MICU2: variants seen among roughly 807,000 people sequenced by gnomAD.
MICU2 encodes mitochondrial calcium uptake 2, also known as calcium uptake protein 2, mitochondrial.
A neutral mutation model predicts 60.4 loss-of-function variants in MICU2; 64 were observed. The ratio of observed to expected loss-of-function variants is 1.06; its 90% CI spans 0.87 to 1.31. The LOEUF is 1.31. MICU2 is among the 50% of genes most tolerant of loss of function. The probability of loss-of-function intolerance (pLI) is 0.00; values close to 1 mark genes in which losing one functional copy is unlikely to be tolerated. For missense variants in MICU2, 569 were observed against 531.0 expected (o/e 1.07, Z -0.70); for synonymous variants, 201 against 175.0 (o/e 1.15, Z -1.17).
chr13:21,601,028 C>T (rs1888803104), intron 1 of MICU2, among the ~76,000 whole-genome samples: 1 of 152,182 alleles, frequency 6.6e-6, no homozygotes, highest in Admixed American at 6.5e-5. Context: ...GATCTCCTGA[C>T]CTCGTGATCC....
chr13:21,498,369 CTTTTTTTTTT>C lies in MICU2; in HGVS notation c.934-2219_934-2210del, dbSNP rs34890922. ...TGTCTCCATCCAGAAATATCCTATT[CTTTTTTTTTT>C]TTTTTTTTTTTTTTTTTTTGAGACA... On this transcript the variant is annotated intron_variant, in intron 9 of 11. Transcript: ENST00000382374. Among the ~76,000 whole-genome samples the C allele has an allele frequency of 4.5e-3, 356 of 78,562 alleles. 3 individuals carry two copies. The highest frequency in any genetic ancestry group is 0.037 in the Middle Eastern group (4 of 108). The allele number at this position is 78,562 out of a possible 152,430, so 51.5% of individuals were successfully genotyped here.
intron 2 of MICU2, among the ~76,000 whole-genome samples, chr13:21,563,469 A>T (rs11148157): frequency 0.35 from 52,385 of 151,242 alleles, 9,408 homozygotes; most frequent in South Asian, 0.4. Context: ...AAAAAAAAAA[A>T]TTCTGCAGTT....
chr13:21,533,860 G>C (rs1887067397), intron 4 of MICU2, among the ~76,000 whole-genome samples: 1 of 152,104 alleles, frequency 6.6e-6, no homozygotes, highest in South Asian at 2.1e-4. Flanking sequence ...TTGCTCATTA[G>C]GAGGCAGAAC....
intron 10 of MICU2, chr13:21,495,754 T>C: frequency 4.1e-6 from 1 of 243,000 alleles, no homozygotes. Flanking sequence ...CAGGCTGGTC[T>C]TGAACTCCTG....
chr13:21,586,955 C>A (rs1190826837), intron 1 of MICU2, among the ~76,000 whole-genome samples: 1 of 152,076 alleles, frequency 6.6e-6, no homozygotes, highest in Non-Finnish European at 1.5e-5. Context: ...CATCTTCTTC[C>A]CTCTTTCCCA....
chr13:21,545,554 G>A (rs1197390357), intron 2 of MICU2, among the ~76,000 whole-genome samples: 6 of 151,970 alleles, frequency 3.9e-5, no homozygotes, highest in East Asian at 1.9e-4. Flanking sequence ...GGTGGCGGGC[G>A]CCTGTAATCC....
chr13:21,531,187 T>C, intron 4 of MICU2: 1 of 953,260 alleles, frequency 1.0e-6, no homozygotes, highest in Non-Finnish European at 1.7e-6. Flanking sequence ...GAAGACATTC[T>C]TAATAAAGCA....
At chr13:21,576,946 C>T (rs1447062600) in intron 1 of MICU2, among the ~76,000 whole-genome samples, 2 of 152,024 alleles carry the variant, frequency 1.3e-5, no homozygotes, top group African/African-American at 4.8e-5. Flanking sequence ...AAAAATAGAA[C>T]AAAAAATTTT....
intron 1 of MICU2, among the ~76,000 whole-genome samples, chr13:21,573,659 T>C (rs1157738996): frequency 6.6e-6 from 1 of 151,650 alleles, no homozygotes; most frequent in Non-Finnish European, 1.5e-5. Flanking sequence ...TCTCAGAAAA[T>C]GTAAATAAGG....
intron 9 of MICU2, among the ~76,000 whole-genome samples, chr13:21,501,805 G>A (rs571875980): frequency 7.4e-4 from 113 of 152,300 alleles, no homozygotes; most frequent in African/African-American, 2.4e-3. Flanking sequence ...CACAGCCTCT[G>A]AGCGTGGTAC....
At chr13:21,576,765 A>T (rs983032392) in intron 1 of MICU2, among the ~76,000 whole-genome samples, 3 of 152,208 alleles carry the variant, frequency 2.0e-5, no homozygotes, top group Non-Finnish European at 2.9e-5. Context: ...ACTGACTGAT[A>T]GCAGTTTGCC....
rs760058901 is a variant in MICU2 at position 21,604,134 on chromosome 13, C to A, written c.15G>T (p.Ala5=). MAAA[A]GSCARVAAWG... is the part of the protein sequence containing the mutation. ...AGGCCGCCACCCGCGCGCAGCTACC[C>A]GCAGCCGCCGCCATCTTTGCGGAAG... The change falls in exon 1 of 12, where the codon GCG becomes GCT. Residue 5 remains alanine (A), a synonymous_variant. Coordinates refer to ENST00000382374, the MANE Select transcript of MICU2 (RefSeq NM_152726.3). 9 of 1,560,910 alleles carry A rather than the reference C, an allele frequency of 5.8e-6. No individual in the cohort carries two copies. Among genetic ancestry groups the A allele is most frequent in the Middle Eastern group, 2.3e-4 (1 of 4,380 alleles).
intron 1 of MICU2, among the ~76,000 whole-genome samples, chr13:21,585,876 AAAT>A (rs1233444024): frequency 2.0e-4 from 31 of 152,354 alleles, no homozygotes; most frequent in African/African-American, 6.7e-4. Flanking sequence ...ATATGAATTT[AAAT>A]AATATCAAAG....
In MICU2 at chr13:21,539,518, G is replaced by GTCT. The variant is rs1222099730; in HGVS notation, c.390+138_390+139insAGA. On this transcript the variant is annotated intron_variant, in intron 3 of 11. Coordinates refer to ENST00000382374, the MANE Select transcript of MICU2 (RefSeq NM_152726.3). ...GGGCTTCACTGTGTTAGCCAGGATG[G>GTCT]TGATCTCCTGACCTCGTGATCCGCC... The GTCT allele has an allele frequency of 1.7e-5, 22 of 1,308,612 alleles. No individual in the cohort carries two copies. The East Asian group carries it at 2.6e-4, about 15-fold the overall frequency. 81.1% of individuals were successfully genotyped at this position (1,308,612 alleles called of 1,614,324 possible).
chr13:21,505,670 G>A (rs1886275220), intron 8 of MICU2, among the ~76,000 whole-genome samples: 1 of 152,088 alleles, frequency 6.6e-6, no homozygotes, highest in Non-Finnish European at 1.5e-5. Flanking sequence ...GTATATGACT[G>A]TCCTTCTGGT....
At chr13:21,495,856 T>C in intron 10 of MICU2, 196 bp downstream of exon 10, 3 of 470,998 alleles carry the variant, frequency 6.4e-6, no homozygotes, top group Non-Finnish European at 1.1e-5. Flanking sequence ...TTTAGGAGAA[T>C]GAGAAAATAA....
At chr13:21,555,747 C>CA (rs1887691318) in intron 2 of MICU2, among the ~76,000 whole-genome samples, 1 of 152,070 alleles carries the variant, frequency 6.6e-6, no homozygotes, top group Non-Finnish European at 1.5e-5. Context: ...TACCTTCCCC[C>CA]CCTCTTCACT....
intron 1 of MICU2, among the ~76,000 whole-genome samples, chr13:21,598,648 G>A (rs775423570): frequency 1.1e-4 from 16 of 152,036 alleles, no homozygotes; most frequent in Non-Finnish European, 2.1e-4. Context: ...CCCGGGAGGC[G>A]GAGGTTGCAG....
At chr13:21,501,281 GAC>G (rs1012865321) in intron 9 of MICU2, among the ~76,000 whole-genome samples, 2 of 131,270 alleles carry the variant, frequency 1.5e-5, no homozygotes, top group African/African-American at 3.1e-5. Context: ...TTTTTTTTTT[GAC>G]ACAGAGTCTT....
Sources: gnomAD v4.1 joint callset for allele counts (sites outside exome capture counted in the v4.1 genomes callset) on GRCh38, gnomAD v4.1.1 for gene constraint, MANE v1.5 for transcripts, NCBI Gene and HGNC (gene_info 2026-07-23, HGNC 2026-07-21) for gene names.